CYS1: variants seen among roughly 807,000 people sequenced by gnomAD.
CYS1 encodes cystin 1.
CYS1 carries 5 observed loss-of-function variants against 9.6 expected under a neutral mutation model. The observed-to-expected ratio is 0.52, with a 90% CI of 0.27 to 1.10. CYS1 has a LOEUF of 1.10. Among genes scored for constraint, CYS1 ranks in the 50% least tolerant of loss-of-function variants. The probability of loss-of-function intolerance (pLI) is 0.11; values close to 1 mark genes in which losing one functional copy is unlikely to be tolerated. For synonymous variants in CYS1, 88 were observed against 95.7 expected (o/e 0.92, Z 0.47); for missense variants, 221 against 207.9 (o/e 1.06, Z -0.39).
Position 10,076,226 on chromosome 2 carries a change from G to T in CYS1, c.318+3680C>A, listed in dbSNP as rs1241702328. 1.3e-5 allele frequency among the ~76,000 whole-genome samples: 2 copies of T among 152,050 alleles called. No individual in the cohort carries two copies. Among genetic ancestry groups the T allele is most frequent in the African/African-American group, 4.8e-5 (2 of 41,386 alleles). ...TAAAATACTGAATCTATGTCTACTTGATTAAACCAAAATTTCTTCTCCAAG... is the reference window on the plus strand; with the variant it reads ...TAAAATACTGAATCTATGTCTACTTTATTAAACCAAAATTTCTTCTCCAAG... On this transcript the variant is annotated intron_variant, in intron 1 of 2. Coordinates refer to ENST00000381813, the MANE Select transcript of CYS1 (RefSeq NM_001037160.3). This position sits in a 1 kb window ranked among gnomAD's most constrained non-coding sequence, Gnocchi z 4.3.
chr2:10,066,000 G>C, intron 1 of CYS1, 44 bp from the exon 2 acceptor site: 1 of 1,609,150 alleles, frequency 6.2e-7, no homozygotes. Flanking sequence ...ATTGTCAACA[G>C]TGCAGCCTGC....
chr2:10,065,687 G>A (rs1040576329), intron 2 of CYS1, among the ~76,000 whole-genome samples: 2 of 152,236 alleles, frequency 1.3e-5, no homozygotes, highest in Admixed American at 1.3e-4. Context: ...ACCTTTTTTA[G>A]GAGGAAGAGC....
At chr2:10,058,996 G>A (rs1661589930) in intron 2 of CYS1, 38 bp from the exon 3 acceptor site, 1 of 1,531,298 alleles carries the variant, frequency 6.5e-7, no homozygotes, top group African/African-American at 1.4e-5. Flanking sequence ...TCAGGAGGCA[G>A]GATGGTGCGT....
intron 2 of CYS1, among the ~76,000 whole-genome samples, chr2:10,065,675 C>A (rs765218991): frequency 1.3e-5 from 2 of 152,226 alleles, no homozygotes; most frequent in Admixed American, 6.5e-5. Flanking sequence ...ATCCAGGTCA[C>A]GACCTTTTTT....
At chr2:10,059,489 G>C (rs766943274) in intron 2 of CYS1, among the ~76,000 whole-genome samples, 8 of 152,178 alleles carry the variant, frequency 5.3e-5, no homozygotes, top group Non-Finnish European at 1.0e-4. Context: ...TTGAGGTCAG[G>C]AATTCGAGAC....
At chr2:10,075,474 A>T (rs1479613194) in intron 1 of CYS1, among the ~76,000 whole-genome samples, 1 of 152,220 alleles carries the variant, frequency 6.6e-6, no homozygotes, top group Non-Finnish European at 1.5e-5. Context: ...TTTGCTACAG[A>T]CTTGAACGCA....
intron 1 of CYS1, among the ~76,000 whole-genome samples, chr2:10,075,662 C>G (rs1022938598): frequency 6.6e-6 from 1 of 152,186 alleles, no homozygotes; most frequent in African/African-American, 2.4e-5. Flanking sequence ...AAAGTCCTGG[C>G]TGGGGTAACA....
At chr2:10,061,539 A>G (rs1484204133) in intron 2 of CYS1, among the ~76,000 whole-genome samples, 1 of 152,244 alleles carries the variant, frequency 6.6e-6, no homozygotes, top group African/African-American at 2.4e-5. Context: ...GTGGATGTGA[A>G]GCTGAGCCCT....
In CYS1 at chr2:10,058,857, C is replaced by T. The variant is rs1292632846; in HGVS notation, c.473G>A (p.Arg158His). The T allele has an allele frequency of 3.2e-6, 5 of 1,573,748 alleles. No individual in the cohort carries two copies. Among genetic ancestry groups the T allele is most frequent in the Non-Finnish European group, 3.4e-6 (4 of 1,159,972 alleles). ...LMASIEREYC[R>H] ...CGGGGGTGGAGCATGCTGTCCTCAGCGGCAGTACTCCCGCTCGATGCTCGC... is the reference window on the plus strand; with the variant it reads ...CGGGGGTGGAGCATGCTGTCCTCAGTGGCAGTACTCCCGCTCGATGCTCGC... The change falls in exon 3 of 3, where the codon CGC becomes CAC. Residue 158 changes from arginine to histidine, a missense_variant. By Grantham distance (29) the Arg-to-His change is conservative. Coordinates refer to ENST00000381813, the MANE Select transcript of CYS1 (RefSeq NM_001037160.3).
chr2:10,059,748 A>G (rs1427654964), intron 2 of CYS1, among the ~76,000 whole-genome samples: 1 of 152,244 alleles, frequency 6.6e-6, no homozygotes, highest in Non-Finnish European at 1.5e-5. Flanking sequence ...CTGCTTGCCG[A>G]CATCGGTCCG....
In CYS1 at chr2:10,063,997, C is replaced by A. The variant is rs1057220585; in HGVS notation, c.371+1907G>T. 6.6e-6 allele frequency among the ~76,000 whole-genome samples: 1 copy of A among 152,152 alleles called. No individual in the cohort carries two copies. Among genetic ancestry groups the A allele is most frequent in the Non-Finnish European group, 1.5e-5 (1 of 68,026 alleles). On this transcript the variant is annotated intron_variant, in intron 2 of 2. Transcript: ENST00000381813. This position sits in a 1 kb window ranked among gnomAD's most constrained non-coding sequence, Gnocchi z 4.2. ...CAGCACTTTGGGAGGCCAAGGTGGG[C>A]GGATCACCTGAGGCCAGGAGTTTGA...
intron 2 of CYS1, 87 bp downstream of exon 2, chr2:10,065,817 G>C: frequency 3.0e-6 from 4 of 1,335,588 alleles, no homozygotes; most frequent in Non-Finnish European, 4.3e-6. Flanking sequence ...CTGGAGGAAA[G>C]TGGGGGACAG....
At position 10,059,553 on chromosome 2, in the gene CYS1, C is replaced by T. The variant is rs191874172; in HGVS notation, c.372-595G>A. On this transcript the variant is annotated intron_variant, in intron 2 of 2. Coordinates refer to ENST00000381813, the MANE Select transcript of CYS1 (RefSeq NM_001037160.3). ...CTCTACTAAAAATACAAAAATTATCCGGGTGGGGTGACGGGTGCCTATAAT... is the reference window on the plus strand; with the variant it reads ...CTCTACTAAAAATACAAAAATTATCTGGGTGGGGTGACGGGTGCCTATAAT... 7.2e-5 allele frequency among the ~76,000 whole-genome samples: 11 copies of T among 152,156 alleles called. No homozygotes were observed. In the East Asian group the frequency reaches 9.7e-4, roughly 13 times the overall value.
In CYS1 at chr2:10,057,388, T is replaced by G. The variant is rs1661565052; in HGVS notation, c.*1465A>C. On this transcript the variant is annotated 3_prime_UTR_variant, in exon 3 of 3. Coordinates refer to ENST00000381813, the MANE Select transcript of CYS1 (RefSeq NM_001037160.3). ...AGCTGGTCAAAGGCACTCTCAAAAG[T>G]TCAAGGAAATGCCCGTTTGCGGATG... 6.6e-6 allele frequency: 1 copy of G among 152,240 alleles called. No individual in the cohort carries two copies. Among genetic ancestry groups the G allele is most frequent in the African/African-American group, 2.4e-5 (1 of 41,472 alleles). 9.4% of individuals were successfully genotyped at this position (152,240 alleles called of 1,614,324 possible).
chr2:10,060,930 TCGCAGTGGCTCATGCCTGGCCCGG>T (rs563811819), intron 2 of CYS1, among the ~76,000 whole-genome samples: 37 of 152,342 alleles, frequency 2.4e-4, no homozygotes, highest in South Asian at 8.3e-4. Flanking sequence ...GCTGTTAGTT[TCGCAGTGGCTCATGCCTGGCCCGG>T]CGCAGTGGCT....
intron 1 of CYS1, among the ~76,000 whole-genome samples, chr2:10,066,468 TC>T (rs918623181): frequency 3.9e-5 from 6 of 152,072 alleles, no homozygotes; most frequent in African/African-American, 1.4e-4. Context: ...ACCCTCTCCC[TC>T]CCCCACTGAA....
intron 2 of CYS1, among the ~76,000 whole-genome samples, chr2:10,059,907 G>A (rs1040740968): frequency 1.3e-5 from 2 of 152,218 alleles, no homozygotes; most frequent in African/African-American, 2.4e-5. Flanking sequence ...TCCAGAAAGC[G>A]GCTGCGCCAG....
intron 2 of CYS1, 75 bp from the exon 3 acceptor site, chr2:10,059,033 A>G (rs746963859): frequency 1.1e-5 from 15 of 1,383,658 alleles, no homozygotes; most frequent in Middle Eastern, 1.8e-4. Flanking sequence ...TGGCCACCAC[A>G]ATGGCTCCTA....
At chr2:10,060,694 A>G (rs1661615309) in intron 2 of CYS1, among the ~76,000 whole-genome samples, 1 of 152,244 alleles carries the variant, frequency 6.6e-6, no homozygotes, top group South Asian at 2.1e-4. Flanking sequence ...CAGCCCTGAG[A>G]CACAGTGGAA....
Sources: gnomAD v4.1 joint callset for allele counts (sites outside exome capture counted in the v4.1 genomes callset) on GRCh38, gnomAD v4.1.1 for gene constraint, Gnocchi (gnomAD v3.1) non-coding constraint, MANE v1.5 for transcripts, NCBI Gene and HGNC (gene_info 2026-07-23, HGNC 2026-07-21) for gene names.